Variants in PLSCR2 observed in about 807,000 individuals in gnomAD.
The protein encoded by PLSCR2 is PL scramblase 2.
In PLSCR2, 18 loss-of-function variants were observed where a neutral mutation model predicts 25.3. That is an observed-to-expected ratio of 0.71 (90% CI 0.49 to 1.06). PLSCR2 has a LOEUF of 1.06. PLSCR2 is among the 50% of genes least tolerant of loss of function. The pLI is 0.00. For missense variants in PLSCR2, 243 were observed against 269.5 expected (o/e 0.90, Z 0.69); for synonymous variants, 88 against 87.3 (o/e 1.01, Z -0.04).
intron 1 of PLSCR2, among the ~76,000 whole-genome samples, chr3:146,481,135 G>C (rs943776382): frequency 3.9e-5 from 6 of 152,148 alleles, no homozygotes; most frequent in Non-Finnish European, 8.8e-5. Context: ...CATACTGAAT[G>C]GGCAAAAACT....
At chr3:146,493,796 T>G (rs1023467842) in intron 1 of PLSCR2, among the ~76,000 whole-genome samples, 5 of 149,486 alleles carry the variant, frequency 3.3e-5, no homozygotes, top group African/African-American at 4.9e-5. Flanking sequence ...TTTTTTTTTT[T>G]TTTTTTTTTT....
At chr3:146,451,482 G>A (rs2040895545) in intron 5 of PLSCR2, among the ~76,000 whole-genome samples, 1 of 151,952 alleles carries the variant, frequency 6.6e-6, no homozygotes, top group Admixed American at 6.6e-5. Context: ...AGTGATAGGG[G>A]TAATAGGAGA....
chr3:146,449,222 C>T, exon 6 of PLSCR2: 3 of 1,612,164 alleles, frequency 1.9e-6, no homozygotes, highest in Non-Finnish European at 2.5e-6. Flanking sequence ...GAAACAGGCA[C>T]CAATCATCAC....
chr3:146,449,880 G>A (rs535074034), intron 5 of PLSCR2, among the ~76,000 whole-genome samples: 1 of 152,260 alleles, frequency 6.6e-6, no homozygotes, highest in South Asian at 2.1e-4. Flanking sequence ...TAGAAAAGAA[G>A]ACTGACAGTT....
exon 6 of PLSCR2, chr3:146,449,261 G>A: frequency 1.2e-6 from 2 of 1,612,988 alleles, no homozygotes; most frequent in South Asian, 2.2e-5. Context: ...AAGGTCTCTA[G>A]GGAATTGGAT....
intron 1 of PLSCR2, among the ~76,000 whole-genome samples, chr3:146,492,198 C>T (rs1193258302): frequency 6.6e-6 from 1 of 152,164 alleles, no homozygotes; most frequent in South Asian, 2.1e-4. Context: ...ATCAAATACT[C>T]ACTGCATCGG....
chr3:146,430,149 G>A (rs899542040), downstream of PLSCR2, among the ~76,000 whole-genome samples: 3 of 152,192 alleles, frequency 2.0e-5, no homozygotes, highest in Admixed American at 1.3e-4. Flanking sequence ...AAAGAGGGCT[G>A]TAGAGCCACC....
downstream of PLSCR2, among the ~76,000 whole-genome samples, chr3:146,429,744 G>A (rs536853364): frequency 3.3e-5 from 5 of 152,088 alleles, no homozygotes; most frequent in East Asian, 9.7e-4. Flanking sequence ...TCCTGCCTCA[G>A]CCTCCCGAGT....
intron 1 of PLSCR2, among the ~76,000 whole-genome samples, chr3:146,484,952 G>A (rs572609215): frequency 2.0e-5 from 3 of 152,108 alleles, no homozygotes; most frequent in African/African-American, 4.8e-5. Flanking sequence ...AACCTTAAAC[G>A]TAAATGGGCT....
At chr3:146,488,744 T>C (rs1186582776) in intron 1 of PLSCR2, among the ~76,000 whole-genome samples, 4 of 152,062 alleles carry the variant, frequency 2.6e-5, no homozygotes, top group African/African-American at 4.8e-5. Flanking sequence ...TAAACCATTG[T>C]GGAAGACAGT....
upstream of PLSCR2, among the ~76,000 whole-genome samples, chr3:146,463,589 C>G (rs17351881): frequency 0.49 from 73,722 of 151,972 alleles, 18,825 homozygotes; most frequent in South Asian, 0.69. Flanking sequence ...ACTGTAGATC[C>G]CAGTGCTTTT....
At chr3:146,448,169 G>T (rs1404242330) in intron 6 of PLSCR2, among the ~76,000 whole-genome samples, 1 of 152,024 alleles carries the variant, frequency 6.6e-6, no homozygotes, top group Middle Eastern at 3.2e-3. Flanking sequence ...CTGATTTTCA[G>T]TTCTTATGAA....
intron 1 of PLSCR2, among the ~76,000 whole-genome samples, chr3:146,495,334 A>G (rs1479009345): frequency 6.6e-6 from 1 of 152,218 alleles, no homozygotes; most frequent in Non-Finnish European, 1.5e-5. Context: ...CTAAAAATAC[A>G]TCACAATATT....
upstream of PLSCR2, chr3:146,461,994 A>G: frequency 3.1e-6 from 3 of 958,480 alleles, no homozygotes; most frequent in Non-Finnish European, 4.5e-6. Context: ...TCAACAACAC[A>G]TTTAGTATTA....
At chr3:146,457,644 A>C (rs2041295268) in intron 3 of PLSCR2, among the ~76,000 whole-genome samples, 1 of 152,214 alleles carries the variant, frequency 6.6e-6, no homozygotes, top group Non-Finnish European at 1.5e-5. Flanking sequence ...ACTCCCATCC[A>C]AATTCAAAAA....
chr3:146,441,762 A>T, downstream of PLSCR2: 1 of 1,537,040 alleles, frequency 6.5e-7, no homozygotes, highest in African/African-American at 1.4e-5. Flanking sequence ...ACTTACATTA[A>T]TCCACTCCCA....
chr3:146,449,376 C>CAAAA lies in PLSCR2; in HGVS notation c.484-13_484-10dup. 1.8e-5 allele frequency: 23 copies of CAAAA among 1,254,738 alleles called. No individual in the cohort carries two copies. Among genetic ancestry groups the CAAAA allele is most frequent in the Middle Eastern group, 2.1e-4 (1 of 4,718 alleles). 77.7% of individuals were successfully genotyped at this position (1,254,738 alleles called of 1,614,324 possible). A position where few individuals can be genotyped will look rare whatever the true frequency, so the allele number is the denominator to read the frequency against. On this transcript the variant is annotated splice_polypyrimidine_tract_variant and intron_variant, in intron 5 of 6. Coordinates refer to ENST00000610787, the Ensembl canonical transcript of PLSCR2. ...TCATCAAGAGATGTAATCTAAATTG[C>CAAAA]AAAAAAAAAAAAAACTTAAAAATTT... is the stretch of plus-strand genomic sequence containing the variant.
intron 1 of PLSCR2, among the ~76,000 whole-genome samples, chr3:146,470,748 A>AT (rs2042086063): frequency 1.3e-5 from 2 of 152,144 alleles, no homozygotes; most frequent in African/African-American, 4.8e-5. Context: ...GGAGAAAGAA[A>AT]TTGAGAAAAT....
At position 146,458,864 on chromosome 3, in the gene PLSCR2, T is replaced by A. The variant is rs142948628; in HGVS notation, c.58-411A>T. On this transcript the variant is annotated intron_variant, in intron 2 of 6. Transcript: ENST00000610787. ...AGTAAGTGATAATTTCTTCTATATATTTTTGAGACTGATTAAAAAAACTGT... is the reference window on the plus strand; with the variant it reads ...AGTAAGTGATAATTTCTTCTATATAATTTTGAGACTGATTAAAAAAACTGT... Among the ~76,000 whole-genome samples, 650 of 152,162 alleles carry A rather than the reference T, an allele frequency of 4.3e-3. 1 individual carries two copies. Among genetic ancestry groups the A allele is most frequent in the African/African-American group, 0.015 (622 of 41,552 alleles).
Sources: gnomAD v4.1 joint callset for allele counts (sites outside exome capture counted in the v4.1 genomes callset) on GRCh38, gnomAD v4.1.1 for gene constraint, MANE v1.5 for transcripts, NCBI Gene and HGNC (gene_info 2026-07-23, HGNC 2026-07-21) for gene names.